The following C3orf49 variants were observed in gnomAD, a reference collection of about 807,000 sequenced individuals.
C3orf49 encodes putative uncharacterized protein C3orf49.
C3orf49 carries 27 observed loss-of-function variants against 13.3 expected under a neutral mutation model. The observed-to-expected ratio is 2.02, with a 90% CI of 1.49 to 2.79. C3orf49 has a LOEUF of 2.79. Among genes scored for constraint, C3orf49 ranks in the 30% most tolerant of loss-of-function variants. C3orf49 has a pLI of 0.00. For missense variants in C3orf49, 242 were observed against 134.2 expected (o/e 1.80, Z -3.97); for synonymous variants, 87 against 47.6 (o/e 1.83, Z -3.40).
chr3:63,823,766 T>TTGTGTGTG lies in C3orf49; in HGVS notation c.445+241_445+248dup, dbSNP rs55765936. Among the ~76,000 whole-genome samples the TTGTGTGTG allele has an allele frequency of 1.5e-3, 184 of 123,050 alleles. 1 individual carries two copies. The highest frequency in any genetic ancestry group is 3.4e-3 in the Admixed American group (41 of 12,106). 80.7% of individuals were successfully genotyped at this position (123,050 alleles called of 152,430 possible). On this transcript the variant is annotated intron_variant, in intron 2 of 6. Coordinates refer to ENST00000295896, the MANE Select transcript of C3orf49 (RefSeq NM_001355236.2). ...TCAGTTGGCTTGTATGTTCATACCG[T>TTGTGTGTG]TGTGTGTGTGTGTGTGTGTGTGTGT...
At chr3:63,798,412 A>T in the C3orf49 span, among the ~76,000 whole-genome samples, 1 of 152,118 alleles carries the variant, frequency 6.6e-6, no homozygotes, top group Non-Finnish European at 1.5e-5. Flanking sequence ...TTCCTCCTCT[A>T]TAAATTAAAA....
chr3:63,832,496 G>A (rs1213553803), intron 5 of C3orf49, among the ~76,000 whole-genome samples: 4 of 151,334 alleles, frequency 2.6e-5, no homozygotes, highest in East Asian at 2.0e-4. Flanking sequence ...CTGTCACTAC[G>A]AAAAATTTTT....
upstream of C3orf49, among the ~76,000 whole-genome samples, chr3:63,817,883 A>T (rs1026578890): frequency 6.6e-6 from 1 of 152,224 alleles, no homozygotes; most frequent in Non-Finnish European, 1.5e-5. Context: ...CATCTAGATA[A>T]TTGATGAAAT....
Position 63,819,559 on chromosome 3 carries a change from A to G in C3orf49, c.88A>G (p.Lys30Glu), listed in dbSNP as rs566477982. 1.7e-5 allele frequency: 12 copies of G among 703,428 alleles called. No individual in the cohort carries two copies. Among genetic ancestry groups the G allele is most frequent in the African/African-American group, 1.4e-4 (8 of 57,378 alleles). The allele number at this position is 703,428 out of a possible 1,614,324, so 43.6% of individuals were successfully genotyped here. A position where few individuals can be genotyped will look rare whatever the true frequency, so the allele number is the denominator to read the frequency against. The change falls in exon 1 of 7, where the codon AAG becomes GAG. Residue 30 changes from lysine to glutamate, a missense_variant. By Grantham distance (56) the Lys-to-Glu change is moderately conservative. Transcript: ENST00000295896. Reference protein sequence around the residue: ...GQCRRFQQLKKKNGSFKRKGI... With the variant: ...GQCRRFQQLKEKNGSFKRKGI... ...GTGCCGAAGATTCCAGCAACTCAAG[A>G]AGAAAAATGGCTCATTCAAAAGGAA...
chr3:63,842,328 A>T (rs1575806315), intron 5 of C3orf49, among the ~76,000 whole-genome samples: 1 of 152,174 alleles, frequency 6.6e-6, no homozygotes, highest in African/African-American at 2.4e-5. Flanking sequence ...GTTGGTGAGG[A>T]TGTGGAGAAA....
At chr3:63,845,130 T>A in intron 6 of C3orf49, 48 bp downstream of exon 6, 1 of 664,162 alleles carries the variant, frequency 1.5e-6, no homozygotes, top group East Asian at 2.7e-5. Context: ...ATCTCCTTCA[T>A]GTAGCCCTGA....
chr3:63,827,473 A>G (rs1701478198), intron 2 of C3orf49, 128 bp from the exon 3 acceptor site: 1 of 569,994 alleles, frequency 1.8e-6, no homozygotes, highest in African/African-American at 1.9e-5. Flanking sequence ...TTTATTCTTA[A>G]CTCTAAAGAA....
At position 63,836,222 on chromosome 3, in the gene C3orf49, A is replaced by G. The variant is rs1348045436; in HGVS notation, c.849+4378A>G. On this transcript the variant is annotated intron_variant, in intron 5 of 6. Coordinates refer to ENST00000295896, the MANE Select transcript of C3orf49 (RefSeq NM_001355236.2). ...CCTTTTGAAACATATTTATTTCTGC[A>G]AAAATGAAATGCCTACGGTAGTTTT... 11 of 1,360,930 alleles carry G rather than the reference A, an allele frequency of 8.1e-6. No homozygotes were observed. The Admixed American group carries it at 2.4e-4, about 30-fold the overall frequency. 84.3% of individuals were successfully genotyped at this position (1,360,930 alleles called of 1,614,324 possible). A position where few individuals can be genotyped will look rare whatever the true frequency, so the allele number is the denominator to read the frequency against.
At chr3:63,807,781 C>A in the C3orf49 span, among the ~76,000 whole-genome samples, 1 of 143,346 alleles carries the variant, frequency 7.0e-6, no homozygotes. Flanking sequence ...CACTTGAACC[C>A]GGGAGGCAGA....
intron 2 of C3orf49, among the ~76,000 whole-genome samples, chr3:63,824,400 C>T (rs183125024): frequency 1.3e-5 from 2 of 152,182 alleles, no homozygotes; most frequent in East Asian, 3.9e-4. Context: ...CATTTACTTT[C>T]TATGTACTGT....
At chr3:63,810,341 A>G in the C3orf49 span, among the ~76,000 whole-genome samples, 1 of 152,150 alleles carries the variant, frequency 6.6e-6, no homozygotes, top group Non-Finnish European at 1.5e-5. Context: ...TTAAAATACA[A>G]GTGTCATGAA....
intron 5 of C3orf49, chr3:63,838,327 A>G: frequency 7.6e-7 from 1 of 1,313,932 alleles, no homozygotes; most frequent in Non-Finnish European, 1.1e-6. Flanking sequence ...TTTCCTTTAG[A>G]CCATAAAAAA....
intron 6 of C3orf49, chr3:63,846,219 T>A (rs1351738432): frequency 4.4e-6 from 2 of 450,786 alleles, no homozygotes; most frequent in Non-Finnish European, 8.9e-6. Flanking sequence ...CTTTCTTCCC[T>A]GAAAAAAGCA....
At chr3:63,789,097 G>T in the C3orf49 span, among the ~76,000 whole-genome samples, 1 of 152,192 alleles carries the variant, frequency 6.6e-6, no homozygotes. Context: ...CAGAAGATGG[G>T]CGGCGGGCGA....
the C3orf49 span, among the ~76,000 whole-genome samples, chr3:63,783,524 TTA>T: frequency 6.7e-5 from 4 of 60,004 alleles, no homozygotes; most frequent in East Asian, 2.1e-3. Flanking sequence ...CTACTAAAAA[TTA>T]CACACACACA....
At chr3:63,831,334 A>G (rs1216735108) in intron 4 of C3orf49, 111 bp downstream of exon 4, 7 of 625,104 alleles carry the variant, frequency 1.1e-5, no homozygotes, top group Non-Finnish European at 2.0e-5. Context: ...ATTAATGATT[A>G]GCATTAAGAA....
At chr3:63,780,675 G>A in the C3orf49 span, among the ~76,000 whole-genome samples, 3 of 152,118 alleles carry the variant, frequency 2.0e-5, no homozygotes, top group Non-Finnish European at 2.9e-5. Flanking sequence ...TTTAATGATT[G>A]CCATTCTAAC....
chr3:63,823,947 C>T (rs919304213), intron 2 of C3orf49, among the ~76,000 whole-genome samples: 3 of 152,028 alleles, frequency 2.0e-5, no homozygotes, highest in Non-Finnish European at 4.4e-5. Context: ...ACTACAGGAG[C>T]GTGCCACCAC....
At chr3:63,780,539 T>C in the C3orf49 span, among the ~76,000 whole-genome samples, 1 of 152,212 alleles carries the variant, frequency 6.6e-6, no homozygotes, top group Non-Finnish European at 1.5e-5. Context: ...TATTTCTAGT[T>C]CTAGATCCCT....
Sources: gnomAD v4.1 joint callset for allele counts (sites outside exome capture counted in the v4.1 genomes callset) on GRCh38, gnomAD v4.1.1 for gene constraint, MANE v1.5 for transcripts, NCBI Gene and HGNC (gene_info 2026-07-23, HGNC 2026-07-21) for gene names.